Variants in IL7 observed in about 807,000 individuals in gnomAD.
The protein encoded by IL7 is interleukin 7.
In IL7, 3 loss-of-function variants were observed where a neutral mutation model predicts 21.6. That is an observed-to-expected ratio of 0.14 (90% CI 0.06 to 0.36). The LOEUF is 0.36. IL7 is among the 10% of genes least tolerant of loss of function. The pLI is 1.00. For missense variants in IL7, 175 were observed against 200.2 expected (o/e 0.87, Z 0.76); for synonymous variants, 62 against 68.1 (o/e 0.91, Z 0.44).
chr8:78,749,666 G>C (rs1269123639), intron 2 of IL7, among the ~76,000 whole-genome samples: 1 of 152,204 alleles, frequency 6.6e-6, no homozygotes, highest in East Asian at 1.9e-4. Context: ...AGTCATAGTT[G>C]TGGGGGCTAT....
Position 78,785,519 on chromosome 8 carries a change from A to G in IL7, c.147+12553T>C, listed in dbSNP as rs150929577. Among the ~76,000 whole-genome samples the G allele has an allele frequency of 6.4e-3, 975 of 152,288 alleles. 12 individuals carry two copies. Among genetic ancestry groups the G allele is most frequent in the South Asian group, 0.051 (247 of 4,828 alleles). On this transcript the variant is annotated intron_variant, in intron 2 of 5. Coordinates refer to ENST00000263851, the MANE Select transcript of IL7 (RefSeq NM_000880.4). ...GATTTCAATGTATTTCCTTGGTTGT[A>G]TAATATTTTTTCATCTCATTCTATT...
intron 3 of IL7, among the ~76,000 whole-genome samples, chr8:78,702,359 TTTC>T (rs1810631223): frequency 1.3e-5 from 2 of 152,188 alleles, no homozygotes; most frequent in Admixed American, 1.3e-4. Flanking sequence ...TATTCTCTAT[TTTC>T]TTCTTTTTAG....
chr8:78,678,748 G>A, intron 4 of IL7: 1 of 1,040,412 alleles, frequency 9.6e-7, no homozygotes, highest in Non-Finnish European at 1.4e-6. Context: ...TATATTATCT[G>A]TTACAGTAAG....
Position 78,706,468 on chromosome 8 carries a change from G to A in IL7, n.214+14880C>T, listed in dbSNP as rs549358387. On this transcript the variant is annotated intron_variant and non_coding_transcript_variant, in intron 3 of 4. Coordinates refer to the IL7 transcript ENST00000523959. ...TCTAGTGGAGTGGCTTCACAAGGGCGTCTCTTGACCCAAGGGTTGCAAAGA... is the reference window on the plus strand; with the variant it reads ...TCTAGTGGAGTGGCTTCACAAGGGCATCTCTTGACCCAAGGGTTGCAAAGA... 8.5e-5 allele frequency among the ~76,000 whole-genome samples: 13 copies of A among 152,216 alleles called. No homozygotes were observed. The East Asian group carries it at 9.7e-4, about 11-fold the overall frequency.
chr8:78,735,276 C>CTTTTTTTTTTTTTTTTTTTTT, intron 5 of IL7, among the ~76,000 whole-genome samples: 170 of 78,174 alleles, frequency 2.2e-3, no homozygotes, highest in Non-Finnish European at 2.5e-3. Context: ...CTTTTCTTTT[C>CTTTTTTTTTTTTTTTTTTTTT]TTTTTTTTTT....
chr8:78,746,768 T>A, intron 2 of IL7: 2 of 310,304 alleles, frequency 6.4e-6, no homozygotes, highest in Non-Finnish European at 1.3e-5. Context: ...TCTCTTTCTG[T>A]GTGTGTATGT....
At chr8:78,779,943 C>A (rs778034923) in intron 2 of IL7, among the ~76,000 whole-genome samples, 3 of 152,174 alleles carry the variant, frequency 2.0e-5, no homozygotes, top group Non-Finnish European at 4.4e-5. Context: ...AAGGATTCAA[C>A]TTCTTCCTGG....
exon 4 of IL7, chr8:78,721,398 C>T (rs1396035014): frequency 2.0e-5 from 3 of 151,968 alleles, no homozygotes; most frequent in East Asian, 3.8e-4. Flanking sequence ...GTGTGTCGTC[C>T]GTTTGATCTG....
chr8:78,702,614 C>T (rs987503979), intron 3 of IL7, among the ~76,000 whole-genome samples: 20 of 152,102 alleles, frequency 1.3e-4, no homozygotes, highest in Non-Finnish European at 2.5e-4. Context: ...ATAAATTTCC[C>T]TTTTACACTG....
downstream of IL7, among the ~76,000 whole-genome samples, chr8:78,714,362 C>A (rs1811034757): frequency 6.6e-6 from 1 of 152,048 alleles, no homozygotes; most frequent in East Asian, 1.9e-4. Flanking sequence ...GGAGTAAGCA[C>A]TATTATATAA....
chr8:78,689,597 A>G (rs761428355), intron 3 of IL7, among the ~76,000 whole-genome samples: 4 of 151,822 alleles, frequency 2.6e-5, no homozygotes, highest in Non-Finnish European at 2.9e-5. Flanking sequence ...CCCTTTTTCT[A>G]TGTGGATATT....
At chr8:78,751,097 A>C (rs1219321927) in intron 2 of IL7, among the ~76,000 whole-genome samples, 1 of 151,736 alleles carries the variant, frequency 6.6e-6, no homozygotes, top group Non-Finnish European at 1.5e-5. Flanking sequence ...AATTCAAAAA[A>C]AAAAAAACTG....
intron 3 of IL7, among the ~76,000 whole-genome samples, chr8:78,695,719 T>C (rs943015881): frequency 1.3e-5 from 2 of 152,200 alleles, no homozygotes; most frequent in African/African-American, 4.8e-5. Flanking sequence ...TTTTAAAAAA[T>C]CAGTATCATT....
At chr8:78,804,270 A>G (rs1038793121) in intron 1 of IL7, among the ~76,000 whole-genome samples, 1 of 152,118 alleles carries the variant, frequency 6.6e-6, no homozygotes, top group Non-Finnish European at 1.5e-5. Flanking sequence ...AGGAAAAAAT[A>G]ACAACAAAAA....
At chr8:78,698,485 C>T in intron 3 of IL7, 1 of 1,612,214 alleles carries the variant, frequency 6.2e-7, no homozygotes, top group South Asian at 1.1e-5. Context: ...ATCTCCCTCT[C>T]ATAAAGGGAT....
At chr8:78,793,941 T>C (rs1813775012) in intron 2 of IL7, among the ~76,000 whole-genome samples, 1 of 152,188 alleles carries the variant, frequency 6.6e-6, no homozygotes, top group Non-Finnish European at 1.5e-5. Flanking sequence ...TGCTCATGCC[T>C]GAGAAGCAAC....
At chr8:78,698,928 C>T (rs1365097991) in intron 3 of IL7, among the ~76,000 whole-genome samples, 1 of 152,148 alleles carries the variant, frequency 6.6e-6, no homozygotes. Flanking sequence ...CTCAAAGCCA[C>T]ATAGCTGTTA....
In IL7 at chr8:78,797,518, C is replaced by A. The variant is rs190317827; in HGVS notation, c.147+554G>T. The stretch of plus-strand genomic sequence containing the variant: ...ATATGGGAATTTTCTACTTTCTGCT[C>A]GAATTTTCTAGAAACCTAAGTTGGC... On this transcript the variant is annotated intron_variant, in intron 2 of 5. Coordinates refer to ENST00000263851, the MANE Select transcript of IL7 (RefSeq NM_000880.4). Among the ~76,000 whole-genome samples the A allele has an allele frequency of 2.6e-5, 4 of 151,878 alleles. No individual in the cohort carries two copies. The East Asian group carries it at 5.8e-4, about 22-fold the overall frequency.
At chr8:78,722,109 A>G (rs1235074443) in intron 3 of IL7, among the ~76,000 whole-genome samples, 1 of 151,936 alleles carries the variant, frequency 6.6e-6, no homozygotes, top group Non-Finnish European at 1.5e-5. Context: ...TATCTTTTAT[A>G]TTTTGTATAT....
Sources: allele counts gnomAD v4.1 joint callset (sites outside exome capture counted in the v4.1 genomes callset), GRCh38; gene constraint gnomAD v4.1.1; transcripts MANE v1.5; gene names NCBI Gene and HGNC (gene_info 2026-07-23, HGNC 2026-07-21).